The following COL18A1 variants were observed in gnomAD, a reference collection of about 807,000 sequenced individuals.
COL18A1 encodes the protein collagen type XVIII alpha 1 chain, also known as collagen alpha-1(XVIII) chain.
COL18A1 carries 133 observed loss-of-function variants against 168.0 expected under a neutral mutation model. The ratio of observed to expected loss-of-function variants is 0.79; its 90% confidence interval spans 0.69 to 0.91. The LOEUF (loss-of-function observed/expected upper bound fraction) is 0.91, where lower values mean the gene tolerates loss of function less well. Among genes scored for constraint, COL18A1 ranks in the 40% least tolerant of loss-of-function variants. The pLI, the probability that COL18A1 is intolerant of heterozygous loss-of-function variation, is 0.00. For missense variants in COL18A1, 2,126 were observed against 1,925.4 expected, an observed-to-expected ratio of 1.10 and a Z score of -1.95; for synonymous variants, 949 against 809.0, an observed-to-expected ratio of 1.17 and a Z score of -2.94.
Position 45,512,333 on chromosome 21 carries a change from G to A in COL18A1, c.3955G>A (p.Ala1319Thr), listed in dbSNP as rs766483637. The change falls in exon 42 of 42, where the codon GCG becomes ACG. Residue 1319 changes from alanine (A) to threonine (T), a missense_variant. Physicochemically the swap from Ala to Thr is moderately conservative, Grantham distance 58. Coordinates refer to ENST00000651438, the MANE Select transcript of COL18A1 (RefSeq NM_001379500.1). ...GGGCAGGCTCCTGGGGCAGAGTGCC[G>A]CGAGCTGCCATCACGCCTACATCGT... ...LGGRLLGQSAASCHHAYIVLC... is the reference protein window; with the variant it reads ...LGGRLLGQSATSCHHAYIVLC... 23 of 1,612,508 alleles carry A rather than the reference G, an allele frequency of 1.4e-5. No homozygotes were observed. Among genetic ancestry groups the A allele is most frequent in the Middle Eastern group, 1.6e-4 (1 of 6,084 alleles).
chr21:45,474,470 GGTGT>G (rs1568899372), intron 4 of COL18A1, among the ~76,000 whole-genome samples: 4 of 141,744 alleles, frequency 2.8e-5, no homozygotes, highest in African/African-American at 1.2e-4. Flanking sequence ...CTCTGTGTGT[GGTGT>G]GTCTCTGTGT....
chr21:45,476,537 CGT>C lies in COL18A1; in HGVS notation c.928+62_928+63del, dbSNP rs1276636457. 6.5e-6 allele frequency: 10 copies of C among 1,535,900 alleles called. No homozygotes were observed. The Middle Eastern group carries it at 8.5e-4, about 130-fold the overall frequency. On this transcript the variant is annotated intron_variant, in intron 6 of 41. Transcript: ENST00000651438. ...GGTGTGGGGTGTGTGTGGTGTGTAA[CGT>C]GTGTTTGTGTGATGGTGAGGTATGT...
Position 45,450,881 on chromosome 21 carries a change from C to T in COL18A1, c.107-17361C>T, listed in dbSNP as rs530934725. Among the ~76,000 whole-genome samples the T allele has an allele frequency of 2.0e-5, 3 of 152,366 alleles. No homozygotes were observed. In the South Asian group the frequency reaches 6.2e-4, roughly 32 times the overall value. ...GTGGCTGGCGTGGCAGTGGTGAGCC[C>T]TCGATGGCTGTGCGGACACCAGAGG... On this transcript the variant is annotated intron_variant, in intron 2 of 41. Coordinates refer to ENST00000651438, the MANE Select transcript of COL18A1 (RefSeq NM_001379500.1).
chr21:45,437,805 C>T (rs1458996155), intron 2 of COL18A1, among the ~76,000 whole-genome samples: 1 of 71,260 alleles, frequency 1.4e-5, no homozygotes, highest in Non-Finnish European at 2.4e-5. Context: ...GACACACAGG[C>T]ACTCTCCTGC....
chr21:45,499,690 G>A lies in COL18A1; in HGVS notation c.2683+2029G>A, dbSNP rs564914279. 7.9e-5 allele frequency among the ~76,000 whole-genome samples: 12 copies of A among 152,300 alleles called. No homozygotes were observed. In the South Asian group the frequency reaches 8.3e-4, roughly 11 times the overall value. ...AATTAGAGGTTCCCGTGGTCTCAGC[G>A]CCCTGGGGAGTGGTGGTAGTTCTCA... is the stretch of plus-strand genomic sequence containing the variant. On this transcript the variant is annotated intron_variant, in intron 32 of 41. Coordinates refer to ENST00000651438, the MANE Select transcript of COL18A1 (RefSeq NM_001379500.1).
chr21:45,483,616 A>C (rs1226228585), intron 15 of COL18A1, among the ~76,000 whole-genome samples: 1 of 152,182 alleles, frequency 6.6e-6, no homozygotes, highest in Middle Eastern at 3.2e-3. Flanking sequence ...GGTGCCCTCG[A>C]GGATCCAGGC....
At chr21:45,480,594 C>T (rs1237980269) in intron 12 of COL18A1, 74 bp downstream of exon 12, 1 of 1,613,450 alleles carries the variant, frequency 6.2e-7, no homozygotes, top group Non-Finnish European at 8.5e-7. Context: ...CCCCAAGATT[C>T]AGCTGGGGTC....
chr21:45,471,545 G>A lies in COL18A1; in HGVS notation c.652-2350G>A, dbSNP rs1002467313. On this transcript the variant is annotated intron_variant, in intron 3 of 41. Coordinates refer to ENST00000651438, the MANE Select transcript of COL18A1 (RefSeq NM_001379500.1). The surrounding 1 kb of genome is among the most constrained non-coding windows in gnomAD (Gnocchi z 4.4). The stretch of plus-strand genomic sequence containing the variant: ...CAGATGGTGCCTGGGACCCCCGGCC[G>A]CAGCTGGGTCCAACAGAGCCCTCCG... Among the ~76,000 whole-genome samples the A allele has an allele frequency of 6.6e-5, 10 of 152,212 alleles. No individual in the cohort carries two copies. Among genetic ancestry groups the A allele is most frequent in the Admixed American group, 1.3e-4 (2 of 15,286 alleles).
Position 45,421,685 on chromosome 21 carries a change from G to A in COL18A1, c.106+16212G>A, listed in dbSNP as rs531300938. ...AGGAAGGAAGCTCACACTGTTTCAG[G>A]GTTGGCCGGGTACTTGCCGTGCCTG... On this transcript the variant is annotated intron_variant, in intron 2 of 41. Transcript: ENST00000651438. 1.5e-3 allele frequency: 695 copies of A among 469,016 alleles called. 1 individual carries two copies. Among genetic ancestry groups the A allele is most frequent in the Non-Finnish European group, 2.5e-3 (579 of 229,050 alleles). The allele number at this position is 469,016 out of a possible 1,614,324, so 29.1% of individuals were successfully genotyped here.
intron 17 of COL18A1, 118 bp downstream of exon 17, chr21:45,487,627 C>T (rs372894797): frequency 2.4e-5 from 32 of 1,322,656 alleles, no homozygotes; most frequent in Middle Eastern, 2.4e-4. Flanking sequence ...CCTGCAGAGC[C>T]GTGAGGACCA....
rs546173624 is a variant in COL18A1, at chr21:45,457,312, G to C, written c.107-10930G>C. 5.9e-5 allele frequency among the ~76,000 whole-genome samples: 9 copies of C among 152,306 alleles called. No individual in the cohort carries two copies. In the East Asian group the frequency reaches 1.2e-3, roughly 20 times the overall value. Reference sequence around the variant, plus strand: ...GTCACTAAGCTGCACGGTTCGATGCGCTTCCTGGGAGCCCCAGCGTGCTCG... The same window carrying C: ...GTCACTAAGCTGCACGGTTCGATGCCCTTCCTGGGAGCCCCAGCGTGCTCG... On this transcript the variant is annotated intron_variant, in intron 2 of 41. Transcript: ENST00000651438. The surrounding 1 kb of genome is among the most constrained non-coding windows in gnomAD (Gnocchi z 4.6).
rs766933186 is a variant in COL18A1 at position 45,489,478 on chromosome 21, T to C, written c.1924-8T>C. 13 of 1,598,810 alleles carry C rather than the reference T, an allele frequency of 8.1e-6. No individual in the cohort carries two copies. In the South Asian group the frequency reaches 1.5e-4, roughly 18 times the overall value. Reference sequence around the variant, plus strand: ...GCAGGTGCTCACGGAGCCCCTTTTTTCACTTAGGGGGATCCTGGCGTGCCT... The same window carrying C: ...GCAGGTGCTCACGGAGCCCCTTTTTCCACTTAGGGGGATCCTGGCGTGCCT... On this transcript the variant is annotated splice_region_variant and splice_polypyrimidine_tract_variant and intron_variant, in intron 18 of 41. Coordinates refer to ENST00000651438, the MANE Select transcript of COL18A1 (RefSeq NM_001379500.1).
At chr21:45,464,915 C>T (rs2035151214) in intron 2 of COL18A1, among the ~76,000 whole-genome samples, 1 of 152,224 alleles carries the variant, frequency 6.6e-6, no homozygotes, top group East Asian at 1.9e-4. Context: ...CCGTGGACAT[C>T]CTTGGGGCCA....
intron 21 of COL18A1, 52 bp from the exon 22 acceptor site, chr21:45,491,173 C>G: frequency 6.7e-7 from 1 of 1,485,366 alleles, no homozygotes; most frequent in South Asian, 1.1e-5. Context: ...ACTCTGGGGT[C>G]CTGGCCAGAG....
In COL18A1 at chr21:45,509,569, C is replaced by T. The variant is rs944484754; in HGVS notation, c.3463C>T (p.Pro1155Ser). Residue 1155 changes from proline to serine, a missense_variant, in exon 39 of 42, where the codon CCC becomes TCC. Pro to Ser is a moderately conservative substitution (Grantham distance 74, BLOSUM62 -1). Coordinates refer to ENST00000651438, the MANE Select transcript of COL18A1 (RefSeq NM_001379500.1). Reference protein sequence around the residue: ...HLRPARPTSPPAHSHRDFQPV... With the variant: ...HLRPARPTSPSAHSHRDFQPV... ...GCGGCCGGCGCGACCCACAAGCCCA[C>T]CCGCCCACAGCCACCGCGACTTCCA... is the stretch of plus-strand genomic sequence containing the variant. 9.2e-6 allele frequency: 14 copies of T among 1,530,046 alleles called. No individual in the cohort carries two copies. The African/African-American group carries it at 1.6e-4, about 18-fold the overall frequency. The allele number at this position is 1,530,046 out of a possible 1,614,324, so 94.8% of individuals were successfully genotyped here. A position where few individuals can be genotyped will look rare whatever the true frequency, so the allele number is the denominator to read the frequency against.
chr21:45,489,376 G>T, intron 18 of COL18A1, 110 bp from the exon 19 acceptor site: 1 of 818,886 alleles, frequency 1.2e-6, no homozygotes, highest in Non-Finnish European at 2.1e-6. Flanking sequence ...CTGGGGGAGG[G>T]CGGTGAGATG....
At chr21:45,497,823 C>T in intron 32 of COL18A1, 162 bp downstream of exon 32, 2 of 908,162 alleles carry the variant, frequency 2.2e-6, no homozygotes, top group South Asian at 1.6e-5. Context: ...TTGATGGGGG[C>T]CTCATAGGAC....
At position 45,473,009 on chromosome 21, in the gene COL18A1, C is replaced by T. The variant is rs2035501873; in HGVS notation, c.652-886C>T. On this transcript the variant is annotated intron_variant, in intron 3 of 41. Transcript: ENST00000651438. The surrounding 1 kb of genome is among the most constrained non-coding windows in gnomAD (Gnocchi z 4.0). ...GAGCCCCAGGCTCCAGCTGGCCTCG[C>T]TTGGCTCTGAAATCTAGGCCAGGAT... 6.6e-6 allele frequency among the ~76,000 whole-genome samples: 1 copy of T among 152,234 alleles called. No homozygotes were observed. The highest frequency in any genetic ancestry group is 6.5e-5 in the Admixed American group (1 of 15,286).
Position 45,512,252 on chromosome 21 carries a change from G to A in COL18A1, c.3874G>A (p.Glu1292Lys). The A allele has an allele frequency of 1.2e-6, 2 of 1,612,512 alleles. No homozygotes were observed. Among genetic ancestry groups the A allele is most frequent in the South Asian group, 1.1e-5 (1 of 91,026 alleles). Residue 1292 changes from glutamate to lysine, a missense_variant, in exon 42 of 42, where the codon GAG becomes AAG. Coordinates refer to ENST00000651438, the MANE Select transcript of COL18A1 (RefSeq NM_001379500.1). ...GCGCAGGCTGACCGAGAGCTACTGT[G>A]AGACGTGGCGGACGGAGGCTCCCTC... ...NGRRLTESYC[E>K]TWRTEAPSAT...
Sources: allele counts gnomAD v4.1 joint callset (sites outside exome capture counted in the v4.1 genomes callset), GRCh38; gene constraint gnomAD v4.1.1; non-coding constraint Gnocchi (gnomAD v3.1); transcripts MANE v1.5; gene names NCBI Gene and HGNC (gene_info 2026-07-23, HGNC 2026-07-21).